The following RALYL variants were observed in gnomAD, a reference collection of about 807,000 sequenced individuals.
The protein encoded by RALYL is RNA-binding Raly-like protein.
RALYL carries 29 observed loss-of-function variants against 35.1 expected under a neutral mutation model. The ratio of observed to expected loss-of-function variants is 0.83; its 90% CI spans 0.61 to 1.13. The LOEUF is 1.13. RALYL is among the 50% of genes most tolerant of loss of function. The pLI, the probability that RALYL is intolerant of heterozygous loss-of-function variation, is 0.00. For missense variants in RALYL, 359 were observed against 360.4 expected, an observed-to-expected ratio of 1.00 and a Z score of 0.03; for synonymous variants, 120 against 127.6, an observed-to-expected ratio of 0.94 and a Z score of 0.40.
chr8:84,726,748 T>A (rs1845038584), intron 2 of RALYL, among the ~76,000 whole-genome samples: 1 of 152,044 alleles, frequency 6.6e-6, no homozygotes, highest in Non-Finnish European at 1.5e-5. Context: ...AGCCCAAGTA[T>A]TCTCAGATTT....
At chr8:84,311,488 A>AT (rs1323857643) in intron 1 of RALYL, among the ~76,000 whole-genome samples, 43 of 152,160 alleles carry the variant, frequency 2.8e-4, no homozygotes, top group Non-Finnish European at 2.1e-4. Context: ...GAGAAGACTC[A>AT]TTTTTTACTA....
At chr8:84,426,474 G>GTGTGTGTGTGT (rs1554662503) in intron 1 of RALYL, among the ~76,000 whole-genome samples, 2 of 145,406 alleles carry the variant, frequency 1.4e-5, no homozygotes, top group African/African-American at 2.5e-5. Context: ...GTGTGTGTGT[G>GTGTGTGTGTGT]GGTTTAGATT....
intron 1 of RALYL, among the ~76,000 whole-genome samples, chr8:84,365,091 G>A (rs1294188071): frequency 6.6e-6 from 1 of 152,034 alleles, no homozygotes; most frequent in Non-Finnish European, 1.5e-5. Context: ...TTTATTAAAT[G>A]AGCAAATCAA....
intron 2 of RALYL, among the ~76,000 whole-genome samples, chr8:84,650,833 CAAT>C (rs1330592248): frequency 9.7e-4 from 148 of 152,034 alleles, no homozygotes; most frequent in African/African-American, 3.3e-3. Flanking sequence ...AAATGTCCAA[CAAT>C]GATAGACTGG....
chr8:84,183,229 C>A (rs1487390721), upstream of RALYL: 2 of 119,924 alleles, frequency 1.7e-5, no homozygotes, highest in Non-Finnish European at 4.0e-5. Context: ...TGTGCGTGTG[C>A]GTGTGCTCAG....
At chr8:84,457,107 C>T (rs1158552093) in intron 1 of RALYL, among the ~76,000 whole-genome samples, 1 of 151,954 alleles carries the variant, frequency 6.6e-6, no homozygotes, top group African/African-American at 2.4e-5. Context: ...AACTGTAACA[C>T]TTCCAGAATC....
intron 2 of RALYL, among the ~76,000 whole-genome samples, chr8:84,652,879 C>T (rs1389436160): frequency 6.6e-6 from 1 of 152,046 alleles, no homozygotes; most frequent in Non-Finnish European, 1.5e-5. Flanking sequence ...CTCTAGACCA[C>T]ACTAAGAAAC....
intron 3 of RALYL, among the ~76,000 whole-genome samples, chr8:84,776,279 T>C (rs6987710): frequency 0.033 from 5,040 of 152,248 alleles, 273 homozygotes; most frequent in African/African-American, 0.12. Context: ...TCTGAGGTCC[T>C]AGTCATGCCT....
At chr8:84,456,447 C>A (rs996449960) in intron 1 of RALYL, among the ~76,000 whole-genome samples, 20 of 151,958 alleles carry the variant, frequency 1.3e-4, no homozygotes, top group African/African-American at 4.8e-4. Flanking sequence ...TACTCCTGGG[C>A]ATCCAGCCCA....
Position 84,588,544 on chromosome 8 carries a change from G to A in RALYL, c.256+58967G>A, listed in dbSNP as rs146181183. Among the ~76,000 whole-genome samples the A allele has an allele frequency of 9.5e-4, 145 of 152,298 alleles. 1 individual carries two copies. Among genetic ancestry groups the A allele is most frequent in the Admixed American group, 5.8e-3 (88 of 15,292 alleles). On this transcript the variant is annotated intron_variant, in intron 2 of 8. Coordinates refer to ENST00000521268, the MANE Select transcript of RALYL (RefSeq NM_173848.7). ...AAATGTGACTCACAAAAAAGCCAGC[G>A]TTTCCAGATATGCCATGGTGGAGGG... is the stretch of plus-strand genomic sequence containing the variant.
chr8:84,472,384 T>C (rs1478269668), intron 1 of RALYL, among the ~76,000 whole-genome samples: 1 of 152,178 alleles, frequency 6.6e-6, no homozygotes, highest in Non-Finnish European at 1.5e-5. Flanking sequence ...GCTGGGACTG[T>C]TAATTCTCTC....
chr8:84,392,447 A>G (rs552341065), intron 1 of RALYL, among the ~76,000 whole-genome samples: 1 of 152,084 alleles, frequency 6.6e-6, no homozygotes, highest in Admixed American at 6.6e-5. Flanking sequence ...AACAAAAAAA[A>G]AAATTGAATC....
chr8:84,540,266 A>G (rs569482853), intron 2 of RALYL, among the ~76,000 whole-genome samples: 8 of 151,722 alleles, frequency 5.3e-5, no homozygotes, highest in Admixed American at 2.0e-4. Context: ...TTGTCTCATT[A>G]CGTGAGAAAC....
In RALYL at chr8:84,805,572, T is replaced by C. The variant is rs991735440; in HGVS notation, c.365+770T>C. ...GGTGGCACACACCTGTAATCCCAGC[T>C]ACTTGGGAGGCTGAGGCAGGAGAAT... On this transcript the variant is annotated intron_variant, in intron 4 of 8. Transcript: ENST00000521268. 2.0e-5 allele frequency among the ~76,000 whole-genome samples: 3 copies of C among 152,080 alleles called. No homozygotes were observed. The East Asian group carries it at 5.8e-4, about 29-fold the overall frequency.
At chr8:84,571,105 C>G (rs1004133286) in intron 2 of RALYL, among the ~76,000 whole-genome samples, 43 of 151,568 alleles carry the variant, frequency 2.8e-4, no homozygotes, top group Middle Eastern at 3.4e-3. Context: ...ATGTAGTTCT[C>G]TTTTTTGTCT....
At chr8:84,845,355 T>C (rs1834415576) in intron 4 of RALYL, among the ~76,000 whole-genome samples, 3 of 152,170 alleles carry the variant, frequency 2.0e-5, no homozygotes, top group African/African-American at 7.2e-5. Context: ...CTGTTGTTTT[T>C]TTATTTTTTA....
chr8:84,313,138 G>C (rs1376772943), intron 1 of RALYL, among the ~76,000 whole-genome samples: 1 of 152,188 alleles, frequency 6.6e-6, no homozygotes, highest in African/African-American at 2.4e-5. Flanking sequence ...AGCCCGAGCT[G>C]TACCTTGGCC....
At chr8:84,714,693 T>A (rs1842696562) in intron 2 of RALYL, among the ~76,000 whole-genome samples, 1 of 151,882 alleles carries the variant, frequency 6.6e-6, no homozygotes, top group African/African-American at 2.4e-5. Flanking sequence ...CTGTCATAAT[T>A]ATGTGTTTTG....
intron 1 of RALYL, among the ~76,000 whole-genome samples, chr8:84,336,701 C>T (rs150498659): frequency 1.8e-4 from 27 of 151,972 alleles, no homozygotes; most frequent in Non-Finnish European, 3.2e-4. Context: ...AAGAAACAAG[C>T]CTTATTTCCT....
Sources: gnomAD v4.1 joint callset for allele counts (sites outside exome capture counted in the v4.1 genomes callset) on GRCh38, gnomAD v4.1.1 for gene constraint, MANE v1.5 for transcripts, NCBI Gene and HGNC (gene_info 2026-07-23, HGNC 2026-07-21) for gene names.